Variants in ZMAT4 observed in about 807,000 individuals in gnomAD.
ZMAT4 encodes zinc finger matrin-type protein 4.
In ZMAT4, 17 loss-of-function variants were observed where a neutral mutation model predicts 28.7. The observed-to-expected ratio is 0.59, with a 90% confidence interval of 0.41 to 0.89. The LOEUF (loss-of-function observed/expected upper bound fraction) is 0.89. Among genes scored for constraint, ZMAT4 ranks in the 40% least tolerant of loss-of-function variants. The pLI, the probability that ZMAT4 is intolerant of heterozygous loss-of-function variation, is 0.00. For missense variants in ZMAT4, 240 were observed against 283.8 expected (o/e 0.85, Z 1.11); for synonymous variants, 117 against 109.2 (o/e 1.07, Z -0.44).
chr8:40,721,783 A>C (rs1340935297), intron 3 of ZMAT4, among the ~76,000 whole-genome samples: 1 of 151,706 alleles, frequency 6.6e-6, no homozygotes, highest in African/African-American at 2.4e-5. Flanking sequence ...TCTTCTTTTG[A>C]GAAGTGTCTG....
At chr8:40,661,519 G>C (rs528673208) in intron 5 of ZMAT4, among the ~76,000 whole-genome samples, 29 of 152,332 alleles carry the variant, frequency 1.9e-4, no homozygotes, top group African/African-American at 6.7e-4. Flanking sequence ...CAATCACTTA[G>C]AGAATCCCAT....
intron 2 of ZMAT4, among the ~76,000 whole-genome samples, chr8:40,819,535 CA>C (rs1017916210): frequency 1.3e-5 from 2 of 152,156 alleles, no homozygotes; most frequent in African/African-American, 4.8e-5. Context: ...CAAAGCTCTA[CA>C]GGGGGGAGCA....
chr8:40,647,199 C>A (rs534730591), intron 5 of ZMAT4, among the ~76,000 whole-genome samples: 3 of 152,044 alleles, frequency 2.0e-5, no homozygotes, highest in Non-Finnish European at 2.9e-5. Flanking sequence ...AGACAGTGGG[C>A]GCAGGTCAGT....
intron 1 of ZMAT4, among the ~76,000 whole-genome samples, chr8:40,856,095 C>G (rs1251838697): frequency 6.6e-6 from 1 of 152,172 alleles, no homozygotes; most frequent in Non-Finnish European, 1.5e-5. Context: ...TTGGTTCACA[C>G]AGGCCCACAG....
At chr8:40,767,757 C>A in intron 2 of ZMAT4, 27 bp from the exon 3 acceptor site, 2 of 1,589,166 alleles carry the variant, frequency 1.3e-6, no homozygotes, top group Non-Finnish European at 8.6e-7. Context: ...TAAGCAGATA[C>A]TGTAAAAGAT....
intron 1 of ZMAT4, among the ~76,000 whole-genome samples, chr8:40,840,803 T>A (rs961043865): frequency 6.6e-6 from 1 of 152,192 alleles, no homozygotes; most frequent in Non-Finnish European, 1.5e-5. Context: ...ATTCTTTTGA[T>A]CTCAGTCCCC....
intron 5 of ZMAT4, among the ~76,000 whole-genome samples, chr8:40,643,157 T>C (rs1470704199): frequency 6.6e-6 from 1 of 152,134 alleles, no homozygotes; most frequent in African/African-American, 2.4e-5. Context: ...ACCAAGCACA[T>C]GTCTGTGCCC....
chr8:40,639,196 GT>G (rs200208442), intron 5 of ZMAT4, among the ~76,000 whole-genome samples: 25 of 152,128 alleles, frequency 1.6e-4, no homozygotes, highest in East Asian at 1.4e-3. Flanking sequence ...AGCTTTGCTG[GT>G]TTTTTTTAGC....
rs372635141 is a variant in ZMAT4, at chr8:40,592,890, A to G, written c.578-11629T>C. Among the ~76,000 whole-genome samples the G allele has an allele frequency of 3.9e-5, 6 of 152,300 alleles. No homozygotes were observed. In the East Asian group the frequency reaches 9.6e-4, roughly 24 times the overall value. On this transcript the variant is annotated intron_variant, in intron 5 of 6. Transcript: ENST00000297737. ...TGGTCACTATGGCAAACTGCAAGAA[A>G]CCTAAGGAATTAAGCTGTTTTTTTG...
intron 1 of ZMAT4, among the ~76,000 whole-genome samples, chr8:40,867,118 C>T (rs1054709112): frequency 1.3e-5 from 2 of 152,146 alleles, no homozygotes; most frequent in Non-Finnish European, 2.9e-5. Flanking sequence ...CAATGGATTT[C>T]CCCCTAGACC....
chr8:40,769,272 T>A (rs1002290003), intron 2 of ZMAT4, among the ~76,000 whole-genome samples: 2 of 152,154 alleles, frequency 1.3e-5, no homozygotes, highest in Non-Finnish European at 2.9e-5. Context: ...TGTTTGTTTG[T>A]TTGTTTATTT....
In ZMAT4 at chr8:40,686,378, A is replaced by C. The variant is rs143049932; in HGVS notation, c.349+10867T>G. Among the ~76,000 whole-genome samples, 36 of 152,134 alleles carry C rather than the reference A, an allele frequency of 2.4e-4. No homozygotes were observed. In the East Asian group the frequency reaches 6.6e-3, roughly 28 times the overall value. ...TAATTGGGAGGCTGAGGTAGGAGGA[A>C]ATCTTGAGCCCAGGAATTCAAAGCT... On this transcript the variant is annotated intron_variant, in intron 4 of 6. Coordinates refer to ENST00000297737, the MANE Select transcript of ZMAT4 (RefSeq NM_024645.3).
chr8:40,739,996 G>C (rs1321457278), intron 3 of ZMAT4, among the ~76,000 whole-genome samples: 2 of 152,144 alleles, frequency 1.3e-5, no homozygotes, highest in Non-Finnish European at 2.9e-5. Flanking sequence ...TGGCTGTTTA[G>C]TATTCCATGG....
chr8:40,719,546 G>A (rs192501287), intron 3 of ZMAT4, among the ~76,000 whole-genome samples: 102 of 152,208 alleles, frequency 6.7e-4, no homozygotes, highest in Middle Eastern at 6.8e-3. Flanking sequence ...CAGCGAGTTC[G>A]TGGAGAAGGC....
At chr8:40,580,375 G>A (rs1804422927) in intron 6 of ZMAT4, among the ~76,000 whole-genome samples, 1 of 152,098 alleles carries the variant, frequency 6.6e-6, no homozygotes. Context: ...CTCGACAAAT[G>A]TTTGTTAAAT....
At chr8:40,768,002 T>C (rs1813234566) in intron 2 of ZMAT4, among the ~76,000 whole-genome samples, 2 of 152,170 alleles carry the variant, frequency 1.3e-5, no homozygotes, top group South Asian at 4.1e-4. Flanking sequence ...ATATACTATA[T>C]TTAATTTTCC....
At chr8:40,883,624 T>C (rs537117279) in intron 1 of ZMAT4, among the ~76,000 whole-genome samples, 1 of 152,222 alleles carries the variant, frequency 6.6e-6, no homozygotes, top group Admixed American at 6.5e-5. Context: ...CACTGCCTCC[T>C]CCCTCATAGG....
chr8:40,620,426 G>A (rs559866588), intron 5 of ZMAT4, among the ~76,000 whole-genome samples: 55 of 152,310 alleles, frequency 3.6e-4, no homozygotes, highest in Non-Finnish European at 7.1e-4. Context: ...TTTCCCCAGA[G>A]CTAGTGATCT....
chr8:40,880,669 T>A (rs1818189826), intron 1 of ZMAT4, among the ~76,000 whole-genome samples: 1 of 152,138 alleles, frequency 6.6e-6, no homozygotes, highest in Non-Finnish European at 1.5e-5. Context: ...TACAACCAAG[T>A]AACTTGCAGA....
Sources: gnomAD v4.1 joint callset for allele counts (sites outside exome capture counted in the v4.1 genomes callset) on GRCh38, gnomAD v4.1.1 for gene constraint, MANE v1.5 for transcripts, NCBI Gene and HGNC (gene_info 2026-07-23, HGNC 2026-07-21) for gene names.